The following RNF145 variants were observed in gnomAD, a reference collection of about 807,000 sequenced individuals.
RNF145 encodes the protein ring finger protein 145.
Under a neutral mutation model 57.3 loss-of-function variants are expected in RNF145, and 12 were observed. The observed-to-expected ratio is 0.21, with a 90% CI of 0.13 to 0.34. RNF145 has a LOEUF of 0.34. Among genes scored for constraint, RNF145 ranks in the 10% least tolerant of loss-of-function variants. The pLI is 1.00. For missense variants in RNF145, 429 were observed against 799.0 expected (o/e 0.54, Z 5.58); for synonymous variants, 262 against 288.3 (o/e 0.91, Z 0.92).
intron 3 of RNF145, among the ~76,000 whole-genome samples, chr5:159,182,344 A>G (rs368760681): frequency 6.6e-6 from 1 of 152,142 alleles, no homozygotes; most frequent in Non-Finnish European, 1.5e-5. Context: ...TAAAAACCCA[A>G]TTGAGAGCTG....
intron 4 of RNF145, among the ~76,000 whole-genome samples, chr5:159,181,076 A>C (rs1663404121): frequency 6.7e-6 from 1 of 150,206 alleles, no homozygotes; most frequent in Admixed American, 6.7e-5. Flanking sequence ...TCCCCCAGAA[A>C]CTTATCTAAA....
chr5:159,161,668 A>T (rs552772641), intron 9 of RNF145, 46 bp from the exon 10 acceptor site: 3 of 1,118,104 alleles, frequency 2.7e-6, no homozygotes, highest in Non-Finnish European at 1.3e-6. Flanking sequence ...ATGATCACTA[A>T]GATACTTTTT....
Position 159,161,570 on chromosome 5 carries a change from T to C in RNF145, c.1322A>G (p.Lys441Arg). The C allele has an allele frequency of 6.2e-7, 1 of 1,613,528 alleles. No homozygotes were observed. The highest frequency in any genetic ancestry group is 2.2e-5 in the East Asian group (1 of 44,874). Reference protein sequence around the residue: ...YVLFMVEEFRKEPVENMDDVI... With the variant: ...YVLFMVEEFRREPVENMDDVI... Reference sequence around the variant, plus strand: ...ATCATCCATGTTTTCCACTGGCTCTTTTCTGAATTCCTCAACCATAAATAA... The same window carrying C: ...ATCATCCATGTTTTCCACTGGCTCTCTTCTGAATTCCTCAACCATAAATAA... Residue 441 changes from lysine to arginine, a missense_variant, in exon 10 of 11, where the codon AAA (lysine) becomes AGA (arginine). By Grantham distance (26) the Lys-to-Arg change is conservative. Transcript: ENST00000424310.
chr5:159,203,185 C>T (rs996345297), intron 2 of RNF145, among the ~76,000 whole-genome samples: 9 of 152,112 alleles, frequency 5.9e-5, no homozygotes, highest in Non-Finnish European at 1.2e-4. Context: ...ATATTAAAAT[C>T]TAGAATGTTT....
At chr5:159,190,174 T>TCC (rs1562067670) in intron 3 of RNF145, among the ~76,000 whole-genome samples, 1 of 152,152 alleles carries the variant, frequency 6.6e-6, no homozygotes, top group Non-Finnish European at 1.5e-5. Flanking sequence ...CCGAAGTAGC[T>TCC]GGGACTAAAA....
chr5:159,186,804 T>G (rs1380526192), intron 3 of RNF145, among the ~76,000 whole-genome samples: 1 of 152,196 alleles, frequency 6.6e-6, no homozygotes, highest in Non-Finnish European at 1.5e-5. Flanking sequence ...GTGAAACTGG[T>G]CAATTTTATT....
chr5:159,190,008 C>A (rs1785233078), intron 3 of RNF145, among the ~76,000 whole-genome samples: 1 of 152,170 alleles, frequency 6.6e-6, no homozygotes, highest in African/African-American at 2.4e-5. Flanking sequence ...CTGCACAACT[C>A]TGTGAATGTA....
At chr5:159,173,902 A>C (rs1784633950) in intron 6 of RNF145, 81 bp downstream of exon 6, 1 of 964,706 alleles carries the variant, frequency 1.0e-6, no homozygotes, top group East Asian at 2.6e-5. Context: ...CGATAAAAGT[A>C]ATCTGCAAAA....
intron 4 of RNF145, among the ~76,000 whole-genome samples, chr5:159,177,127 C>T (rs909257791): frequency 1.3e-5 from 2 of 152,020 alleles, no homozygotes; most frequent in Non-Finnish European, 2.9e-5. Flanking sequence ...GTCTGTGATG[C>T]CATGTGTAAT....
In RNF145 at chr5:159,174,005, G is replaced by A. The variant is rs1312330656; in HGVS notation, c.775C>T (p.Leu259Phe). The change falls in exon 6 of 11, where the codon CTT becomes TTT. Residue 259 changes from leucine to phenylalanine, a missense_variant. Physicochemically the swap from Leu to Phe is conservative, Grantham distance 22 (BLOSUM62 0). Transcript: ENST00000424310. Reference protein sequence around the residue: ...TRDQPASRERLLFLFLTSIAE... With the variant: ...TRDQPASRERFLFLFLTSIAE... ...TACCTTGTCAGAAAAAGGAAAAGAA[G>A]CCTCTCACGTGATGCAGGCTGATCT... 4 of 1,607,652 alleles carry A rather than the reference G, an allele frequency of 2.5e-6. No homozygotes were observed. The highest frequency in any genetic ancestry group is 3.4e-6 in the Non-Finnish European group (4 of 1,177,850).
At position 159,157,611 on chromosome 5, in the gene RNF145, CT is replaced by C. The variant is rs746719379; in HGVS notation, c.*1058del. Reference sequence around the variant, plus strand: ...TTCCCATAAAAAATTACATTCCCCCCTCCCCAGTTCTACCTGTAGCCATGAT... The same window carrying C: ...TTCCCATAAAAAATTACATTCCCCCCCCCCAGTTCTACCTGTAGCCATGAT... On this transcript the variant is annotated 3_prime_UTR_variant, in exon 11 of 11. Coordinates refer to ENST00000424310, the MANE Select transcript of RNF145 (RefSeq NM_001199383.2). 19 of 152,678 alleles carry C rather than the reference CT, an allele frequency of 1.2e-4. No individual in the cohort carries two copies. Among genetic ancestry groups the C allele is most frequent in the Non-Finnish European group, 2.1e-4 (14 of 68,030 alleles). The allele number at this position is 152,678 out of a possible 1,614,324, so 9.5% of individuals were successfully genotyped here. A position where few individuals can be genotyped will look rare whatever the true frequency, so the allele number is the denominator to read the frequency against.
chr5:159,178,878 C>A lies in RNF145; in HGVS notation c.386-2011G>T, dbSNP rs573817991. On this transcript the variant is annotated intron_variant, in intron 4 of 10. Coordinates refer to ENST00000424310, the MANE Select transcript of RNF145 (RefSeq NM_001199383.2). ...ATTTTTACATAAGACCAAACACTTA[C>A]AACAATCTACTATGTCATAAACACA... Among the ~76,000 whole-genome samples the A allele has an allele frequency of 5.3e-5, 8 of 152,076 alleles. No individual in the cohort carries two copies. The South Asian group carries it at 1.4e-3, about 28-fold the overall frequency.
intron 1 of RNF145, chr5:159,208,100 G>T: frequency 6.9e-7 from 1 of 1,452,000 alleles, no homozygotes; most frequent in Non-Finnish European, 9.0e-7. Flanking sequence ...TCACTGCACA[G>T]GCCCCTTCCT....
chr5:159,176,516 G>A (rs909455907), intron 5 of RNF145, 116 bp downstream of exon 5: 4 of 663,436 alleles, frequency 6.0e-6, no homozygotes. Context: ...CAGCTGTTTT[G>A]AAACTGCAAA....
intron 2 of RNF145, among the ~76,000 whole-genome samples, chr5:159,200,362 T>C (rs898741447): frequency 6.6e-6 from 1 of 152,042 alleles, no homozygotes; most frequent in African/African-American, 2.4e-5. Context: ...TGTTAATAGT[T>C]CACAAACAGG....
Position 159,203,498 on chromosome 5 carries a change from T to C in RNF145, c.120A>G (p.Arg40=). 1.2e-6 allele frequency: 2 copies of C among 1,614,138 alleles called. No homozygotes were observed. ...DVSSFFQQIQ[R]SSLSNNPLFQ... Reference sequence around the variant, plus strand: ...AAAGAGGGTTATTACTAAGGCTACTTCTTTGGATCTGCTGGAAAAAGGAGC... The same window carrying C: ...AAAGAGGGTTATTACTAAGGCTACTCCTTTGGATCTGCTGGAAAAAGGAGC... The change falls in exon 2 of 11, where the codon AGA becomes AGG. Residue 40 remains arginine, a synonymous_variant. Transcript: ENST00000424310.
intron 1 of RNF145, 80 bp downstream of exon 1, chr5:159,209,151 G>A (rs1287540603): frequency 2.1e-6 from 1 of 478,288 alleles, no homozygotes; most frequent in Non-Finnish European, 2.7e-6. Context: ...CCTGCGACGC[G>A]ATGGGGGAGG....
chr5:159,199,928 C>T (rs1007500418), intron 2 of RNF145, among the ~76,000 whole-genome samples: 4 of 152,172 alleles, frequency 2.6e-5, no homozygotes, highest in Non-Finnish European at 5.9e-5. Flanking sequence ...TAAATACAAA[C>T]TTTATTGCTC....
At chr5:159,173,352 C>T (rs1053493255) in intron 6 of RNF145, among the ~76,000 whole-genome samples, 2 of 152,072 alleles carry the variant, frequency 1.3e-5, no homozygotes, top group Admixed American at 6.5e-5. Context: ...GATTGAACAC[C>T]CCTGGGTTAG....
Sources: allele counts gnomAD v4.1 joint callset (sites outside exome capture counted in the v4.1 genomes callset), GRCh38; gene constraint gnomAD v4.1.1; transcripts MANE v1.5; gene names NCBI Gene and HGNC (gene_info 2026-07-23, HGNC 2026-07-21).